The following CLIP2 variants were observed in gnomAD, a reference collection of about 807,000 sequenced individuals.
CLIP2 encodes CAP-Gly domain-containing linker protein 2.
In CLIP2, 41 loss-of-function variants were observed where a neutral mutation model predicts 111.7. The ratio of observed to expected loss-of-function variants is 0.37; its 90% confidence interval spans 0.29 to 0.48. The LOEUF (loss-of-function observed/expected upper bound fraction) is 0.48, where lower values mean the gene tolerates loss of function less well. Among genes scored for constraint, CLIP2 ranks in the 20% least tolerant of loss-of-function variants. The pLI is 0.99. For missense variants in CLIP2, 1,160 were observed against 1,422.1 expected (o/e 0.82, Z 2.96); for synonymous variants, 660 against 644.2 (o/e 1.02, Z -0.37).
chr7:74,400,643 C>G (rs1371107402), intron 15 of CLIP2, 88 bp downstream of exon 15: 2 of 1,297,072 alleles, frequency 1.5e-6, no homozygotes, highest in African/African-American at 3.0e-5. Context: ...GCAGCCTTGT[C>G]TTTAAAACCC....
chr7:74,385,426 C>T (rs1292096066), intron 11 of CLIP2, among the ~76,000 whole-genome samples: 1 of 149,956 alleles, frequency 6.7e-6, no homozygotes, highest in Non-Finnish European at 1.5e-5. Context: ...TGATTGCACA[C>T]TCCACTCCAG....
At chr7:74,374,107 C>G (rs1171619531) in intron 9 of CLIP2, among the ~76,000 whole-genome samples, 2 of 152,138 alleles carry the variant, frequency 1.3e-5, no homozygotes, top group Non-Finnish European at 2.9e-5. Flanking sequence ...CCAGCAGTCC[C>G]TCTGAGAGCA....
At chr7:74,319,318 C>G (rs1554729660) in intron 2 of CLIP2, among the ~76,000 whole-genome samples, 2 of 152,016 alleles carry the variant, frequency 1.3e-5, no homozygotes, top group African/African-American at 2.4e-5. Context: ...TCGAGACCAG[C>G]CTGGCCAACA....
intron 13 of CLIP2, among the ~76,000 whole-genome samples, chr7:74,395,416 CA>C (rs781865702): frequency 1.5e-4 from 23 of 152,294 alleles, no homozygotes; most frequent in Middle Eastern, 3.4e-3. Flanking sequence ...CTTGGCCTCC[CA>C]AAGTGCTGGG....
chr7:74,329,091 T>G (rs1554730989), intron 2 of CLIP2, among the ~76,000 whole-genome samples: 3 of 145,686 alleles, frequency 2.1e-5, no homozygotes, highest in Non-Finnish European at 3.0e-5. Context: ...TTTTTGGTTT[T>G]TTTTTTTTTT....
At chr7:74,303,308 G>C (rs953577859) in intron 1 of CLIP2, among the ~76,000 whole-genome samples, 1 of 152,202 alleles carries the variant, frequency 6.6e-6, no homozygotes, top group Non-Finnish European at 1.5e-5. Flanking sequence ...AGTGGGGTCC[G>C]TGGAGCAGGT....
At chr7:74,318,403 T>G (rs1249085746) in intron 2 of CLIP2, among the ~76,000 whole-genome samples, 1 of 151,960 alleles carries the variant, frequency 6.6e-6, no homozygotes, top group Non-Finnish European at 1.5e-5. Flanking sequence ...TTCTTACCTA[T>G]TCTCTGCAGT....
intron 3 of CLIP2, among the ~76,000 whole-genome samples, chr7:74,340,526 T>G (rs1554305178): frequency 6.6e-6 from 1 of 152,226 alleles, no homozygotes; most frequent in Non-Finnish European, 1.5e-5. Context: ...TCACTGGAGC[T>G]GACAGCTTCC....
At chr7:74,310,822 G>A (rs1042100458) in intron 1 of CLIP2, among the ~76,000 whole-genome samples, 2 of 150,566 alleles carry the variant, frequency 1.3e-5, no homozygotes, top group African/African-American at 4.9e-5. Context: ...AGCGATTCTT[G>A]TGCCTCAGCC....
chr7:74,357,558 AG>A lies in CLIP2; in HGVS notation c.1215+86del. 3.0e-6 allele frequency: 4 copies of A among 1,317,898 alleles called. No homozygotes were observed. The East Asian group carries it at 7.6e-5, about 25-fold the overall frequency. The allele number at this position is 1,317,898 out of a possible 1,614,324, so 81.6% of individuals were successfully genotyped here. Reference sequence around the variant, plus strand: ...CACCCACTCAGAGCGGAGACCCTGGAGGGGGTGGGTGCAGAGAAATATGAAG... The same window carrying A: ...CACCCACTCAGAGCGGAGACCCTGGAGGGGTGGGTGCAGAGAAATATGAAG... On this transcript the variant is annotated intron_variant, in intron 6 of 16. Coordinates refer to ENST00000223398, the MANE Select transcript of CLIP2 (RefSeq NM_003388.5).
At chr7:74,329,608 G>A (rs373216117) in intron 2 of CLIP2, among the ~76,000 whole-genome samples, 2 of 152,162 alleles carry the variant, frequency 1.3e-5, no homozygotes, top group African/African-American at 2.4e-5. Flanking sequence ...AGCCTGTGGA[G>A]CTATGTTCTG....
At chr7:74,399,113 A>AGTGCTGAAGGATGGAGTTTGGGCG (rs1791541111) in intron 14 of CLIP2, among the ~76,000 whole-genome samples, 1 of 152,154 alleles carries the variant, frequency 6.6e-6, no homozygotes, top group African/African-American at 2.4e-5. Flanking sequence ...AGGACTGGGC[A>AGTGCTGAAGGATGGAGTTTGGGCG]GTGCTGAAGG....
intron 3 of CLIP2, among the ~76,000 whole-genome samples, chr7:74,342,637 T>A (rs1554305575): frequency 6.6e-6 from 1 of 151,484 alleles, no homozygotes; most frequent in Non-Finnish European, 1.5e-5. Flanking sequence ...GCAGGGGCCG[T>A]GTGCGGTGGC....
intron 10 of CLIP2, 86 bp from the exon 11 acceptor site, chr7:74,380,720 A>G: frequency 8.8e-7 from 1 of 1,135,590 alleles, no homozygotes; most frequent in South Asian, 1.5e-5. Flanking sequence ...TAGGGTGTGC[A>G]AACTGCAGGT....
chr7:74,375,901 C>A lies in CLIP2; in HGVS notation c.1500C>A (p.Ala500=). The A allele has an allele frequency of 6.4e-7, 1 of 1,559,528 alleles. No individual in the cohort carries two copies. Among genetic ancestry groups the A allele is most frequent in the Non-Finnish European group, 8.7e-7 (1 of 1,153,642 alleles). The part of the protein sequence containing the change: ...ELADNRLTTV[A]EKSRVLQLEE... ...TCTCCCCACAGCTGACCACAGTGGCCGAGAAGTCGCGCGTGCTGCAGCTGG... is the reference window on the plus strand; with the variant it reads ...TCTCCCCACAGCTGACCACAGTGGCAGAGAAGTCGCGCGTGCTGCAGCTGG... The change falls in exon 10 of 17, where the codon GCC becomes GCA. Residue 500 remains alanine, a synonymous_variant. Coordinates refer to ENST00000223398, the MANE Select transcript of CLIP2 (RefSeq NM_003388.5).
At chr7:74,384,749 T>C (rs1554314528) in intron 11 of CLIP2, among the ~76,000 whole-genome samples, 2 of 150,686 alleles carry the variant, frequency 1.3e-5, no homozygotes, top group African/African-American at 4.9e-5. Flanking sequence ...CCTGGCCTCA[T>C]ATGGTAATTC....
intron 8 of CLIP2, among the ~76,000 whole-genome samples, chr7:74,369,101 A>G (rs1554311386): frequency 6.6e-6 from 1 of 152,232 alleles, no homozygotes; most frequent in African/African-American, 2.4e-5. Context: ...CTATAATCCC[A>G]GCACTTTGGG....
chr7:74,381,635 G>A (rs1399950951), intron 11 of CLIP2: 2 of 456,080 alleles, frequency 4.4e-6, no homozygotes, highest in Admixed American at 2.4e-5. Context: ...GTGCAGGTAC[G>A]AGCAAGCAAG....
At chr7:74,299,986 T>A (rs1250054712) in intron 1 of CLIP2, among the ~76,000 whole-genome samples, 1 of 136,268 alleles carries the variant, frequency 7.3e-6, no homozygotes. Context: ...CATGAGCCAC[T>A]CCACCCAGCT....
Sources: gnomAD v4.1 joint callset for allele counts (sites outside exome capture counted in the v4.1 genomes callset) on GRCh38, gnomAD v4.1.1 for gene constraint, MANE v1.5 for transcripts, NCBI Gene and HGNC (gene_info 2026-07-23, HGNC 2026-07-21) for gene names.